SEMA6D: variants seen among roughly 807,000 people sequenced by gnomAD.
SEMA6D encodes semaphorin-6D.
A neutral mutation model predicts 106.6 loss-of-function variants in SEMA6D; 35 were observed. The observed-to-expected ratio is 0.33, with a 90% confidence interval of 0.25 to 0.44. The LOEUF is 0.44. Ranked by LOEUF, SEMA6D falls within the 20% of genes least tolerant of loss-of-function variation. SEMA6D has a pLI of 1.00. For synonymous variants in SEMA6D, 499 were observed against 487.7 expected, an observed-to-expected ratio of 1.02 and a Z score of -0.31; for missense variants, 1,185 against 1,345.9, an observed-to-expected ratio of 0.88 and a Z score of 1.87.
At chr15:47,407,409 C>CAACAACAACAAA (rs1567058212) in intron 1 of SEMA6D, among the ~76,000 whole-genome samples, 1 of 118,866 alleles carries the variant, frequency 8.4e-6, no homozygotes, top group African/African-American at 3.0e-5. Context: ...ACAACAACAA[C>CAACAACAACAAA]AAAAAAAACA....
intron 3 of SEMA6D, among the ~76,000 whole-genome samples, chr15:47,482,161 T>C (rs1416748825): frequency 6.6e-6 from 1 of 152,168 alleles, no homozygotes; most frequent in African/African-American, 2.4e-5. Flanking sequence ...AGATTAAAGA[T>C]ATATTTTGAC....
intron 3 of SEMA6D, among the ~76,000 whole-genome samples, chr15:47,568,179 C>A (rs546263089): frequency 2.3e-3 from 283 of 122,624 alleles, no homozygotes; most frequent in Non-Finnish European, 3.8e-3. Context: ...AAAAAAAAAA[C>A]TGATTTTGCC....
At chr15:47,713,194 C>T (rs569517851), upstream of SEMA6D, among the ~76,000 whole-genome samples, 50 of 152,264 alleles carry the variant, frequency 3.3e-4, no homozygotes, top group Non-Finnish European at 6.2e-4. Context: ...TCCATAAATG[C>T]ATGGTGTATT....
chr15:47,214,695 C>T (rs1262705890), intron 1 of SEMA6D, among the ~76,000 whole-genome samples: 3 of 152,066 alleles, frequency 2.0e-5, no homozygotes, highest in African/African-American at 7.2e-5. Flanking sequence ...TAACCATCTA[C>T]AAAAAAATGT....
At chr15:47,733,111 C>A (rs992583882) in intron 1 of SEMA6D, among the ~76,000 whole-genome samples, 15 of 152,204 alleles carry the variant, frequency 9.9e-5, no homozygotes, top group Non-Finnish European at 1.9e-4. Flanking sequence ...CCTTAAAGCT[C>A]TAAAGCTAAA....
At chr15:47,317,394 G>A (rs2036725390) in intron 1 of SEMA6D, among the ~76,000 whole-genome samples, 1 of 151,988 alleles carries the variant, frequency 6.6e-6, no homozygotes, top group Non-Finnish European at 1.5e-5. Flanking sequence ...TTGCCTGTTA[G>A]ATCAATTAAG....
intron 3 of SEMA6D, among the ~76,000 whole-genome samples, chr15:47,517,182 G>T (rs946270815): frequency 6.6e-6 from 1 of 152,142 alleles, no homozygotes. Context: ...ACTTCCCTGA[G>T]AGGCAGTTGT....
intron 3 of SEMA6D, among the ~76,000 whole-genome samples, chr15:47,484,622 T>G (rs2043245402): frequency 6.6e-6 from 1 of 152,130 alleles, no homozygotes; most frequent in Admixed American, 6.6e-5. Flanking sequence ...AATTTAATAT[T>G]TTATCCCCTA....
intron 1 of SEMA6D, among the ~76,000 whole-genome samples, chr15:47,219,809 G>A (rs1289454080): frequency 6.6e-6 from 1 of 152,210 alleles, no homozygotes; most frequent in Non-Finnish European, 1.5e-5. Flanking sequence ...CCGGTCAGCT[G>A]ACTACTTTTT....
chr15:47,277,659 T>C (rs1250928400), intron 1 of SEMA6D, among the ~76,000 whole-genome samples: 1 of 150,922 alleles, frequency 6.6e-6, no homozygotes, highest in Non-Finnish European at 1.5e-5. Flanking sequence ...ATGTGCACAA[T>C]GTACAGGTTA....
At chr15:47,623,860 A>G (rs185197573) in intron 4 of SEMA6D, among the ~76,000 whole-genome samples, 1 of 152,294 alleles carries the variant, frequency 6.6e-6, no homozygotes, top group Admixed American at 6.5e-5. Context: ...CCTCTCTATA[A>G]TCCATTCTTC....
At chr15:47,735,942 C>T (rs1326298305) in intron 1 of SEMA6D, among the ~76,000 whole-genome samples, 1 of 152,156 alleles carries the variant, frequency 6.6e-6, no homozygotes, top group South Asian at 2.1e-4. Context: ...TTCTTTTAAA[C>T]AACTCAAGTG....
Position 47,765,870 on chromosome 15 carries a change from T to A in SEMA6D, c.1429T>A (p.Cys477Ser). Reference sequence around the variant, plus strand: ...TTCAAAATGTATCCCACAAAATAGGTGCAGTGCTGAGAATGAGGAAGACAA... The same window carrying A: ...TTCAAAATGTATCCCACAAAATAGGAGCAGTGCTGAGAATGAGGAAGACAA... ...EEIEAYNHAK[C>S]SAENEEDKKV... Residue 477 changes from cysteine (C) to serine (S), a missense_variant and splice_region_variant, in exon 14 of 19, where the codon TGC becomes AGC. Cys to Ser is a moderately radical substitution (Grantham distance 112). Around this residue, in one of 3 missense-constraint regions of SEMA6D, gnomAD observed 750 missense variants for 783.5 expected, o/e 0.96. Transcript: ENST00000536845. 6.6e-7 allele frequency: 1 copy of A among 1,508,432 alleles called. No individual in the cohort carries two copies. The highest frequency in any genetic ancestry group is 2.3e-5 in the East Asian group (1 of 43,714). The allele number at this position is 1,508,432 out of a possible 1,614,324, so 93.4% of individuals were successfully genotyped here.
chr15:47,610,030 C>T (rs1395339825), intron 4 of SEMA6D, among the ~76,000 whole-genome samples: 1 of 152,244 alleles, frequency 6.6e-6, no homozygotes, highest in Non-Finnish European at 1.5e-5. Context: ...GATATCCAGA[C>T]TGTCCAGCAG....
At chr15:47,383,612 G>A (rs913681003) in intron 1 of SEMA6D, among the ~76,000 whole-genome samples, 3 of 150,430 alleles carry the variant, frequency 2.0e-5, no homozygotes, top group Non-Finnish European at 4.4e-5. Flanking sequence ...GTCAGGCAAT[G>A]AGCTATATGC....
intron 2 of SEMA6D, among the ~76,000 whole-genome samples, chr15:47,456,553 A>G (rs780107272): frequency 6.6e-6 from 1 of 152,072 alleles, no homozygotes; most frequent in Non-Finnish European, 1.5e-5. Flanking sequence ...AATAGGGTAC[A>G]AAATGAAAAG....
At chr15:47,316,677 T>C (rs1032402483) in intron 1 of SEMA6D, among the ~76,000 whole-genome samples, 4 of 150,416 alleles carry the variant, frequency 2.7e-5, no homozygotes, top group Non-Finnish European at 5.9e-5. Context: ...GCTGATATGG[T>C]CATTGATTTC....
intron 1 of SEMA6D, among the ~76,000 whole-genome samples, chr15:47,734,798 G>A (rs1319409542): frequency 6.6e-6 from 1 of 152,058 alleles, no homozygotes; most frequent in Non-Finnish European, 1.5e-5. Flanking sequence ...AGAAATTAGG[G>A]GATTATGGGA....
chr15:47,210,727 T>C (rs983818122), intron 1 of SEMA6D, among the ~76,000 whole-genome samples: 2 of 129,786 alleles, frequency 1.5e-5, no homozygotes, highest in Non-Finnish European at 3.0e-5. Context: ...ATAGCACCAC[T>C]GCAGTCCAGC....
Sources: allele counts gnomAD v4.1 joint callset (sites outside exome capture counted in the v4.1 genomes callset), GRCh38; gene constraint gnomAD v4.1.1; regional missense constraint gnomAD v4.1.1; transcripts MANE v1.5; gene names NCBI Gene and HGNC (gene_info 2026-07-23, HGNC 2026-07-21).